Variants in TPM3 observed in about 807,000 individuals in gnomAD.
TPM3 encodes the protein tropomyosin alpha-3 chain.
TPM3 carries 16 observed loss-of-function variants against 43.1 expected under a neutral mutation model. The ratio of observed to expected loss-of-function variants is 0.37; its 90% CI spans 0.25 to 0.56. TPM3 has a LOEUF of 0.56. TPM3 is among the 20% of genes least tolerant of loss of function. The pLI, the probability that TPM3 is intolerant of heterozygous loss-of-function variation, is 0.77. For synonymous variants in TPM3, 101 were observed against 116.9 expected, an observed-to-expected ratio of 0.86 and a Z score of 0.88; for missense variants, 176 against 337.2, an observed-to-expected ratio of 0.52 and a Z score of 3.74.
At chr1:154,173,059 G>A in intron 4 of TPM3, 25 bp downstream of exon 4, 1 of 1,613,722 alleles carries the variant, frequency 6.2e-7, no homozygotes, top group East Asian at 2.2e-5. Flanking sequence ...GCCGATACGA[G>A]AGGGACTAAC....
chr1:154,158,055 A>G (rs1406395669), downstream of TPM3, among the ~76,000 whole-genome samples: 2 of 152,260 alleles, frequency 1.3e-5, no homozygotes, highest in East Asian at 1.9e-4. Context: ...TTTTGCCCAC[A>G]TAACAATACC....
At chr1:154,187,279 T>G in intron 2 of TPM3, 1 of 975,218 alleles carries the variant, frequency 1.0e-6, no homozygotes, top group Non-Finnish European at 1.2e-6. Flanking sequence ...AAAACTTTAT[T>G]TACAAAACCA....
At position 154,167,397 on chromosome 1, in the gene TPM3, T is replaced by C; in HGVS notation, c.*540A>G. The C allele has an allele frequency of 9.4e-7, 1 of 1,064,178 alleles. No individual in the cohort carries two copies. The highest frequency in any genetic ancestry group is 1.1e-6 in the Non-Finnish European group (1 of 878,146). 65.9% of individuals were successfully genotyped at this position (1,064,178 alleles called of 1,614,324 possible). ...GAATGTGTATTGAGAGTCACTTCAA[T>C]GGCTTCTCAATGACACCACACCAAA... On this transcript the variant is annotated 3_prime_UTR_variant, in exon 10 of 10. Transcript: ENST00000651641.
chr1:154,169,209 CA>C, intron 9 of TPM3, 95 bp downstream of exon 9: 1 of 1,264,830 alleles, frequency 7.9e-7, no homozygotes, highest in South Asian at 1.2e-5. Flanking sequence ...TTCTAGTTTC[CA>C]AAGGATAAAA....
At chr1:154,184,110 G>A (rs1340695421) in intron 2 of TPM3, among the ~76,000 whole-genome samples, 2 of 151,820 alleles carry the variant, frequency 1.3e-5, no homozygotes, top group African/African-American at 4.8e-5. Context: ...GCAGTGGTGC[G>A]AACTCGGCTC....
intron 2 of TPM3, among the ~76,000 whole-genome samples, chr1:154,190,874 A>T (rs1255681895): frequency 6.6e-6 from 1 of 152,232 alleles, no homozygotes. Context: ...AAGTGACAGC[A>T]TTCTGAACTT....
intron 5 of TPM3, chr1:154,172,281 A>C: frequency 1.3e-6 from 1 of 751,324 alleles, no homozygotes; most frequent in Non-Finnish European, 2.5e-6. Context: ...GTAAGAGGGA[A>C]GCACAAATAC....
At chr1:154,177,283 C>A (rs552762763) in intron 2 of TPM3, among the ~76,000 whole-genome samples, 115 of 152,242 alleles carry the variant, frequency 7.6e-4, no homozygotes, top group Non-Finnish European at 1.5e-3. Flanking sequence ...CCACCACACC[C>A]ACTACCATTC....
In TPM3 at chr1:154,167,942, T is replaced by C. The variant is rs1221042170; in HGVS notation, c.855-2A>G. 2 of 1,613,870 alleles carry C rather than the reference T, an allele frequency of 1.2e-6. No homozygotes were observed. The highest frequency in any genetic ancestry group is 1.7e-5 in the Admixed American group (1 of 59,998). The stretch of plus-strand genomic sequence containing the variant: ...CAGAGCAGAAACGGTGATAATTATC[T>C]GTATGAAAAAGTAAGGATACTCTAG... On this transcript the variant is annotated splice_acceptor_variant, in intron 9 of 9. Transcript: ENST00000651641. LOFTEE classifies it high-confidence loss of function.
At chr1:154,185,047 A>T (rs1185624135) in intron 2 of TPM3, among the ~76,000 whole-genome samples, 1 of 152,102 alleles carries the variant, frequency 6.6e-6, no homozygotes, top group Non-Finnish European at 1.5e-5. Context: ...CTGTACTTCC[A>T]AGTACCCCCA....
chr1:154,173,230 G>T, intron 3 of TPM3, 29 bp from the exon 4 acceptor site: 1 of 1,587,752 alleles, frequency 6.3e-7, no homozygotes, highest in South Asian at 1.1e-5. Context: ...AAGCAATACT[G>T]ACACCCTGAG....
chr1:154,156,759 G>C (rs1290595679), downstream of TPM3: 5 of 199,006 alleles, frequency 2.5e-5, no homozygotes, highest in Admixed American at 2.4e-4. Flanking sequence ...GGCACTTCTA[G>C]AGACAGCAGC....
At chr1:154,183,316 GCAGGGAGTGGATCCTC>G in intron 2 of TPM3, 1 of 1,475,874 alleles carries the variant, frequency 6.8e-7, no homozygotes, top group Non-Finnish European at 9.0e-7. Context: ...GAGAGCCGCG[GCAGGGAGTGGATCCTC>G]CCAGTCGCCC....
At chr1:154,160,592 T>C (rs1340543924), downstream of TPM3, among the ~76,000 whole-genome samples, 1 of 152,176 alleles carries the variant, frequency 6.6e-6, no homozygotes, top group Admixed American at 6.5e-5. Context: ...TGCACTCTTC[T>C]CTCCAAGGGG....
At chr1:154,170,590 T>C in intron 7 of TPM3, 59 bp downstream of exon 7, 1 of 1,592,086 alleles carries the variant, frequency 6.3e-7, no homozygotes. Context: ...AAATCCATAT[T>C]AATGCCTTAT....
intron 2 of TPM3, among the ~76,000 whole-genome samples, chr1:154,181,682 G>A (rs1662961060): frequency 6.6e-6 from 1 of 152,206 alleles, no homozygotes; most frequent in Admixed American, 6.5e-5. Context: ...CACTTTGGGA[G>A]GCAGAGGTGG....
At chr1:154,157,922 TC>T (rs1192380808), downstream of TPM3, among the ~76,000 whole-genome samples, 1 of 152,148 alleles carries the variant, frequency 6.6e-6, no homozygotes, top group East Asian at 1.9e-4. Flanking sequence ...TTGCTGCACT[TC>T]CTGGGTGAGG....
intron 5 of TPM3, chr1:154,172,158 G>A: frequency 6.3e-7 from 1 of 1,576,274 alleles, no homozygotes; most frequent in Non-Finnish European, 8.7e-7. Context: ...GAGGGAGAAA[G>A]GTCAAAAAGG....
chr1:154,163,477 A>G lies in TPM3; in HGVS notation c.*4460T>C, dbSNP rs1660598925. On this transcript the variant is annotated 3_prime_UTR_variant, in exon 10 of 10. Transcript: ENST00000651641. ...TGTACCCTCAAATTACTAAAGTATC[A>G]ATGCATGTCCCATTTTCAGTTATCT... 6.6e-6 allele frequency among the ~76,000 whole-genome samples: 1 copy of G among 152,124 alleles called. No individual in the cohort carries two copies. Among genetic ancestry groups the G allele is most frequent in the African/African-American group, 2.4e-5 (1 of 41,424 alleles).
Sources: gnomAD v4.1 joint callset for allele counts (sites outside exome capture counted in the v4.1 genomes callset) on GRCh38, gnomAD v4.1.1 for gene constraint, MANE v1.5 for transcripts, NCBI Gene and HGNC (gene_info 2026-07-23, HGNC 2026-07-21) for gene names.